Variants in CNOT2 observed in about 807,000 individuals in gnomAD.
The protein encoded by CNOT2 is CCR4-NOT transcription complex subunit 2.
CNOT2 carries 7 observed loss-of-function variants against 72.1 expected under a neutral mutation model. The observed-to-expected ratio is 0.10, with a 90% CI of 0.06 to 0.18. CNOT2 has a LOEUF of 0.18. Ranked by LOEUF, CNOT2 falls within the 10% of genes least tolerant of loss-of-function variation. CNOT2 has a pLI of 1.00. For missense variants in CNOT2, 345 were observed against 660.3 expected, an observed-to-expected ratio of 0.52 and a Z score of 5.23; for synonymous variants, 196 against 225.6, an observed-to-expected ratio of 0.87 and a Z score of 1.17.
chr12:70,287,212 TA>T (rs1234730441), intron 2 of CNOT2, among the ~76,000 whole-genome samples: 1 of 103,624 alleles, frequency 9.7e-6, no homozygotes, highest in Non-Finnish European at 2.0e-5. Flanking sequence ...CTACCTTATA[TA>T]TTTTTTTCCT....
chr12:70,244,172 T>G (rs1957750783), intron 1 of CNOT2: 1 of 152,320 alleles, frequency 6.6e-6, no homozygotes, highest in Admixed American at 6.5e-5. Flanking sequence ...ATGCCGCCTC[T>G]GCCACCGCAC....
In CNOT2 at chr12:70,291,733, C is replaced by T. The variant is rs181964324; in HGVS notation, c.48+13459C>T. On this transcript the variant is annotated intron_variant, in intron 2 of 15. Coordinates refer to ENST00000229195, the MANE Select transcript of CNOT2 (RefSeq NM_014515.7). ...CGGGCAGATCACCAGGTCAGGAGATCGAGACCAGCCTGGCTAACACGGTGA... is the reference window on the plus strand; with the variant it reads ...CGGGCAGATCACCAGGTCAGGAGATTGAGACCAGCCTGGCTAACACGGTGA... 3.9e-3 allele frequency among the ~76,000 whole-genome samples: 586 copies of T among 151,980 alleles called. 2 individuals are homozygous for T. The highest frequency in any genetic ancestry group is 0.014 in the African/African-American group (568 of 41,458).
At chr12:70,335,624 A>G in intron 8 of CNOT2, 61 bp downstream of exon 8, 1 of 1,268,404 alleles carries the variant, frequency 7.9e-7, no homozygotes, top group South Asian at 1.2e-5. Context: ...ACACACATAT[A>G]CATTTACATG....
chr12:70,289,416 C>T (rs566175699), intron 2 of CNOT2, among the ~76,000 whole-genome samples: 1 of 151,994 alleles, frequency 6.6e-6, no homozygotes, highest in African/African-American at 2.4e-5. Flanking sequence ...TGATTAAGGT[C>T]TATGTCGGTA....
At chr12:70,277,780 A>G (rs939450796) in intron 1 of CNOT2, among the ~76,000 whole-genome samples, 8 of 152,168 alleles carry the variant, frequency 5.3e-5, no homozygotes, top group Admixed American at 5.2e-4. Context: ...TTTTTGAGAT[A>G]ACTGGAGAAG....
At chr12:70,265,065 T>C (rs1958956226) in intron 1 of CNOT2, among the ~76,000 whole-genome samples, 1 of 152,174 alleles carries the variant, frequency 6.6e-6, no homozygotes, top group African/African-American at 2.4e-5. Context: ...ATTTTTGCCT[T>C]TATATTTATG....
chr12:70,285,249 G>A (rs1315445085), intron 2 of CNOT2, among the ~76,000 whole-genome samples: 2 of 150,478 alleles, frequency 1.3e-5, no homozygotes, highest in Non-Finnish European at 3.0e-5. Flanking sequence ...TTGCTCTGTT[G>A]CCCAGGCTGG....
At chr12:70,249,580 G>A (rs1958039195) in intron 1 of CNOT2, among the ~76,000 whole-genome samples, 1 of 151,900 alleles carries the variant, frequency 6.6e-6, no homozygotes, top group Non-Finnish European at 1.5e-5. Context: ...TCAAATAGAT[G>A]TTAATGGAAG....
intron 1 of CNOT2, among the ~76,000 whole-genome samples, chr12:70,253,922 A>G (rs1433290826): frequency 3.9e-5 from 6 of 152,136 alleles, no homozygotes; most frequent in African/African-American, 4.8e-5. Flanking sequence ...ATTAGGTACA[A>G]TAAGAGATGA....
chr12:70,289,205 G>A (rs1260051652), intron 2 of CNOT2, among the ~76,000 whole-genome samples: 3 of 151,566 alleles, frequency 2.0e-5, no homozygotes, highest in Non-Finnish European at 4.4e-5. Flanking sequence ...ACCTTTATTT[G>A]TAAATATACT....
intron 6 of CNOT2, chr12:70,331,458 A>G (rs993476412): frequency 6.6e-6 from 1 of 151,728 alleles, no homozygotes; most frequent in African/African-American, 2.4e-5. Flanking sequence ...GTGCGTTCTC[A>G]TAGTATTGGG....
At chr12:70,341,823 C>G (rs1278641926) in intron 11 of CNOT2, among the ~76,000 whole-genome samples, 1 of 152,054 alleles carries the variant, frequency 6.6e-6, no homozygotes. Context: ...GAGTTGAAAT[C>G]AAGTAAAAGT....
chr12:70,341,005 C>G (rs78413451), intron 11 of CNOT2, among the ~76,000 whole-genome samples: 8,014 of 150,762 alleles, frequency 0.053, 502 homozygotes, highest in African/African-American at 0.15. Context: ...AAGCGATTCT[C>G]CTGAGTAGCT....
At chr12:70,280,158 T>A (rs1188290972) in intron 2 of CNOT2, among the ~76,000 whole-genome samples, 1 of 152,182 alleles carries the variant, frequency 6.6e-6, no homozygotes, top group East Asian at 1.9e-4. Flanking sequence ...AATATATTCA[T>A]CATAATACCA....
At chr12:70,316,409 G>A (rs1241841047) in intron 3 of CNOT2, among the ~76,000 whole-genome samples, 1 of 151,936 alleles carries the variant, frequency 6.6e-6, no homozygotes, top group Non-Finnish European at 1.5e-5. Context: ...TTTCTTCACT[G>A]TGTATTAAAT....
At chr12:70,298,400 G>T (rs1873204437) in intron 2 of CNOT2, among the ~76,000 whole-genome samples, 2 of 152,134 alleles carry the variant, frequency 1.3e-5, no homozygotes, top group South Asian at 2.1e-4. Context: ...TGGTTAAAAA[G>T]GGGGACTCCA....
intron 2 of CNOT2, among the ~76,000 whole-genome samples, chr12:70,291,659 C>A (rs1346680391): frequency 6.6e-6 from 1 of 152,186 alleles, no homozygotes; most frequent in Non-Finnish European, 1.5e-5. Context: ...CATGGTAGGC[C>A]AGGCGTGGTG....
chr12:70,337,949 T>TGTGTGTGATGGGAGTTTATATATTA (rs1448534404), intron 9 of CNOT2: 5 of 302,800 alleles, frequency 1.7e-5, no homozygotes, highest in African/African-American at 1.1e-4. Flanking sequence ...AGCTTTTCTC[T>TGTGTGTGATGGGAGTTTATATATTA]GTGTGTGATG....
intron 1 of CNOT2, among the ~76,000 whole-genome samples, chr12:70,265,285 CTT>C (rs1958974772): frequency 7.2e-6 from 1 of 138,714 alleles, no homozygotes; most frequent in Non-Finnish European, 1.6e-5. Context: ...CTTCTCTTCT[CTT>C]CTCTTCTCTT....
Sources: gnomAD v4.1 joint callset for allele counts (sites outside exome capture counted in the v4.1 genomes callset) on GRCh38, gnomAD v4.1.1 for gene constraint, MANE v1.5 for transcripts, NCBI Gene and HGNC (gene_info 2026-07-23, HGNC 2026-07-21) for gene names.